Variants in PSMA1 observed in about 807,000 individuals in gnomAD.
PSMA1 encodes the protein proteasome subunit alpha type-1.
PSMA1 carries 3 observed loss-of-function variants against 38.4 expected under a neutral mutation model. The ratio of observed to expected loss-of-function variants is 0.08; its 90% CI spans 0.04 to 0.20. The LOEUF is 0.20. Among genes scored for constraint, PSMA1 ranks in the 10% least tolerant of loss-of-function variants. PSMA1 has a pLI of 1.00. For synonymous variants in PSMA1, 101 were observed against 107.1 expected, an observed-to-expected ratio of 0.94 and a Z score of 0.35; for missense variants, 227 against 325.3, an observed-to-expected ratio of 0.70 and a Z score of 2.32.
chr11:14,579,486 CTTTT>C (rs756980966), intron 2 of PSMA1, among the ~76,000 whole-genome samples: 2 of 112,500 alleles, frequency 1.8e-5, no homozygotes, highest in African/African-American at 3.4e-5. Flanking sequence ...GCTGCAAAGA[CTTTT>C]TTTTTTTTTT....
chr11:14,515,896 C>T (rs1851417624), intron 4 of PSMA1, among the ~76,000 whole-genome samples: 1 of 151,754 alleles, frequency 6.6e-6, no homozygotes, highest in African/African-American at 2.4e-5. Context: ...ACTGTTTTTG[C>T]TGCTGCTGTT....
intron 4 of PSMA1, among the ~76,000 whole-genome samples, chr11:14,516,236 A>G (rs1314437816): frequency 6.6e-6 from 1 of 150,834 alleles, no homozygotes; most frequent in Non-Finnish European, 1.5e-5. Context: ...ATAGGGTCTC[A>G]CTCTGTTGCC....
At chr11:14,574,660 A>T (rs1347452423) in intron 2 of PSMA1, among the ~76,000 whole-genome samples, 1 of 152,046 alleles carries the variant, frequency 6.6e-6, no homozygotes, top group Non-Finnish European at 1.5e-5. Flanking sequence ...TGGTTTTATA[A>T]GGGGCTTTTC....
intron 2 of PSMA1, among the ~76,000 whole-genome samples, chr11:14,566,861 C>T (rs1224646855): frequency 6.6e-6 from 1 of 152,132 alleles, no homozygotes; most frequent in African/African-American, 2.4e-5. Flanking sequence ...AAATCAAACC[C>T]TCAGGAGAGA....
chr11:14,549,645 G>A (rs1032416035), intron 2 of PSMA1, among the ~76,000 whole-genome samples: 7 of 150,530 alleles, frequency 4.7e-5, no homozygotes, highest in African/African-American at 1.2e-4. Flanking sequence ...AGTTTGCAGT[G>A]AGCCGAGATC....
At chr11:14,558,660 TCAA>T (rs910921412) in intron 2 of PSMA1, among the ~76,000 whole-genome samples, 42 of 152,252 alleles carry the variant, frequency 2.8e-4, no homozygotes, top group African/African-American at 1.0e-3. Flanking sequence ...AGGACTAAGG[TCAA>T]CAACAATGTG....
chr11:14,581,491 G>A (rs143295028), intron 2 of PSMA1, among the ~76,000 whole-genome samples: 3 of 152,152 alleles, frequency 2.0e-5, no homozygotes, highest in African/African-American at 7.2e-5. Flanking sequence ...AGATTCAGAT[G>A]GGCTAATATG....
chr11:14,525,680 C>T (rs1374567216), intron 2 of PSMA1, among the ~76,000 whole-genome samples: 1 of 152,160 alleles, frequency 6.6e-6, no homozygotes, highest in Non-Finnish European at 1.5e-5. Context: ...TACCTTCCTC[C>T]ACAACTCACT....
chr11:14,634,578 C>G (rs1394320826), intron 1 of PSMA1, among the ~76,000 whole-genome samples: 1 of 151,756 alleles, frequency 6.6e-6, no homozygotes, highest in Non-Finnish European at 1.5e-5. Context: ...CTCCTGGCCT[C>G]AAGTTATTCT....
intron 8 of PSMA1, among the ~76,000 whole-genome samples, chr11:14,509,693 G>A (rs1420417676): frequency 2.7e-5 from 4 of 150,796 alleles, no homozygotes; most frequent in South Asian, 4.2e-4. Flanking sequence ...GAGCCACTGC[G>A]GCTGGCCCAC....
At chr11:14,557,392 C>T (rs141930844) in intron 2 of PSMA1, among the ~76,000 whole-genome samples, 15 of 152,088 alleles carry the variant, frequency 9.9e-5, no homozygotes, top group Non-Finnish European at 1.6e-4. Flanking sequence ...TGCACAAGCG[C>T]ACCACCACAC....
At chr11:14,591,454 C>CAGG (rs1852413514) in intron 2 of PSMA1, among the ~76,000 whole-genome samples, 1 of 152,158 alleles carries the variant, frequency 6.6e-6, no homozygotes, top group African/African-American at 2.4e-5. Flanking sequence ...TGTGGGCGCA[C>CAGG]GGCACTGGGA....
At chr11:14,593,649 A>AGAGG (rs1852449336) in intron 2 of PSMA1, among the ~76,000 whole-genome samples, 1 of 150,340 alleles carries the variant, frequency 6.7e-6, no homozygotes, top group Non-Finnish European at 1.5e-5. Context: ...AGAGAGAGAG[A>AGAGG]GAGAGAGAGA....
intron 2 of PSMA1, among the ~76,000 whole-genome samples, chr11:14,553,314 T>G (rs943863914): frequency 3.2e-4 from 48 of 152,164 alleles, no homozygotes; most frequent in African/African-American, 1.1e-3. Context: ...TCCATTGAAT[T>G]TATTCAAATT....
intron 2 of PSMA1, among the ~76,000 whole-genome samples, chr11:14,569,881 T>C (rs1012667364): frequency 3.3e-5 from 5 of 152,216 alleles, no homozygotes; most frequent in African/African-American, 7.2e-5. Context: ...AGCATGGAGT[T>C]TGAGATCTGA....
chr11:14,506,913 A>G (rs977884543), intron 9 of PSMA1, among the ~76,000 whole-genome samples: 1 of 152,162 alleles, frequency 6.6e-6, no homozygotes. Context: ...TGCCTTCTAG[A>G]TGCTCCTCTA....
chr11:14,540,138 C>T (rs1851757230), intron 2 of PSMA1, among the ~76,000 whole-genome samples: 1 of 152,222 alleles, frequency 6.6e-6, no homozygotes, highest in South Asian at 2.1e-4. Context: ...CCACCCAGCT[C>T]TGTTCAGATC....
chr11:14,596,266 T>C (rs1285326226), intron 2 of PSMA1, among the ~76,000 whole-genome samples: 1 of 152,214 alleles, frequency 6.6e-6, no homozygotes, highest in Non-Finnish European at 1.5e-5. Context: ...AGTAATTTTT[T>C]CCAATTCTGT....
Position 14,634,197 on chromosome 11 carries a change from C to A in PSMA1, c.-166+9258G>T, listed in dbSNP as rs185796895. On this transcript the variant is annotated intron_variant, in intron 1 of 10. Coordinates refer to the PSMA1 transcript ENST00000418988. ...AGTTTCATCCCAAAATCATCCCCCC[C>A]GGTCTGTGGAAAATTGTCTTCCACA... Among the ~76,000 whole-genome samples the A allele has an allele frequency of 3.2e-4, 48 of 152,304 alleles. No homozygotes were observed. In the East Asian group the frequency reaches 8.7e-3, roughly 28 times the overall value.
Sources: gnomAD v4.1 joint callset for allele counts (sites outside exome capture counted in the v4.1 genomes callset) on GRCh38, gnomAD v4.1.1 for gene constraint, MANE v1.5 for transcripts, NCBI Gene and HGNC (gene_info 2026-07-23, HGNC 2026-07-21) for gene names.